Variants in ZDHHC11B observed in about 807,000 individuals in gnomAD.
ZDHHC11B encodes probable palmitoyltransferase ZDHHC11B.
A neutral mutation model predicts 42.3 loss-of-function variants in ZDHHC11B; 17 were observed. The observed-to-expected ratio is 0.40, with a 90% CI of 0.27 to 0.60. ZDHHC11B has a LOEUF of 0.60. ZDHHC11B is among the 20% of genes least tolerant of loss of function. The probability of loss-of-function intolerance (pLI) is 0.41; values close to 1 mark genes in which losing one functional copy is unlikely to be tolerated. For missense variants in ZDHHC11B, 262 were observed against 463.2 expected, an observed-to-expected ratio of 0.57 and a Z score of 3.99; for synonymous variants, 123 against 193.5, an observed-to-expected ratio of 0.64 and a Z score of 3.02.
At position 749,477 on chromosome 5, in the gene ZDHHC11B, C is replaced by T. The variant is rs375763439; in HGVS notation, c.629-918G>A. The stretch of plus-strand genomic sequence containing the variant: ...CGGCCTTGGGGGCCTTCCTAGATGG[C>T]CCGACGGGACAGTAGCTCAAAGTGC... On this transcript the variant is annotated intron_variant, in intron 7 of 13. Transcript: ENST00000508859. Among the ~76,000 whole-genome samples, 16 of 130,048 alleles carry T rather than the reference C, an allele frequency of 1.2e-4. 1 individual carries two copies. In the East Asian group the frequency reaches 4.1e-3, roughly 34 times the overall value. 85.3% of individuals were successfully genotyped at this position (130,048 alleles called of 152,430 possible). A position where few individuals can be genotyped will look rare whatever the true frequency, so the allele number is the denominator to read the frequency against.
Position 766,704 on chromosome 5 carries a change from G to T in ZDHHC11B, c.216C>A (p.Ala72=). ...PLLPHSWKYI[A]YVVTGGIFSF... ...GCCACGATGAAAAGGATACCACATA[G>T]GCGATGTATTTCCACGAGTGAGGCA... Residue 72 remains alanine, a synonymous_variant, in exon 4 of 14, where the codon GCC becomes GCA. Transcript: ENST00000508859. 1.2e-6 allele frequency: 2 copies of T among 1,608,370 alleles called. No homozygotes were observed. The highest frequency in any genetic ancestry group is 1.7e-6 in the Non-Finnish European group (2 of 1,176,882).
chr5:756,288 G>T, intron 4 of ZDHHC11B, 144 bp from the exon 5 acceptor site: 1 of 1,313,026 alleles, frequency 7.6e-7, no homozygotes, highest in Middle Eastern at 2.6e-4. Context: ...GCTCACCCAG[G>T]CCTGGCCCTG....
At chr5:730,279 T>A (rs1442482556) in intron 12 of ZDHHC11B, among the ~76,000 whole-genome samples, 155 bp downstream of exon 12, 1 of 151,872 alleles carries the variant, frequency 6.6e-6, no homozygotes, top group Non-Finnish European at 1.5e-5. Context: ...ATAAGCCACA[T>A]GAATGGCTAT....
At chr5:761,967 G>A (rs1292779708) in intron 4 of ZDHHC11B, among the ~76,000 whole-genome samples, 2 of 96,450 alleles carry the variant, frequency 2.1e-5, no homozygotes, top group Admixed American at 2.3e-4. Context: ...CACAGTCCTG[G>A]CTGGCCACTC....
At position 777,845 on chromosome 5, in the gene ZDHHC11B, C is replaced by T. The variant is rs528521360; in HGVS notation, c.-230+6823G>A. Among the ~76,000 whole-genome samples the T allele has an allele frequency of 4.2e-3, 640 of 151,820 alleles. 17 individuals carry two copies. The highest frequency in any genetic ancestry group is 0.014 in the African/African-American group (568 of 41,262). The stretch of plus-strand genomic sequence containing the variant: ...GCGCCCGCACTCCTCAGCCCTTGGG[C>T]GGTCCATGGGACCCGGCGGGGGCGG... On this transcript the variant is annotated intron_variant, in intron 1 of 13. Transcript: ENST00000508859.
chr5:766,914 G>A lies in ZDHHC11B; in HGVS notation c.6C>T (p.Asp2=), dbSNP rs776250711. ...CGGAACACTGGCTCCCGGAGCGGGT[G>A]TCCATCTGCAGGACACAGAAGGGGA... The part of the protein sequence containing the change: M[D]TRSGSQCSVT... The change falls in exon 4 of 14, where the codon GAC becomes GAT. Residue 2 remains aspartate, a synonymous_variant. Coordinates refer to ENST00000508859, the MANE Select transcript of ZDHHC11B (RefSeq NM_001351303.2). The A allele has an allele frequency of 6.2e-7, 1 of 1,612,050 alleles. No homozygotes were observed. Among genetic ancestry groups the A allele is most frequent in the Non-Finnish European group, 8.5e-7 (1 of 1,179,060 alleles).
At chr5:772,514 A>G (rs1381311901) in intron 1 of ZDHHC11B, among the ~76,000 whole-genome samples, 795 of 150,692 alleles carry the variant, frequency 5.3e-3, no homozygotes, top group African/African-American at 0.018. Context: ...AGTGGGTGTG[A>G]CCTCAGAGAC....
intron 9 of ZDHHC11B, among the ~76,000 whole-genome samples, chr5:743,745 C>T (rs1282929805): frequency 2.7e-5 from 4 of 150,140 alleles, no homozygotes; most frequent in East Asian, 4.1e-4. Context: ...ATGTGCCCCA[C>T]ATCCTTGTTA....
intron 1 of ZDHHC11B, among the ~76,000 whole-genome samples, chr5:770,580 G>C (rs1341928254): frequency 6.6e-6 from 1 of 151,964 alleles, no homozygotes; most frequent in Non-Finnish European, 1.5e-5. Context: ...CCCAGGGTCT[G>C]TGACGTGCTG....
intron 12 of ZDHHC11B, among the ~76,000 whole-genome samples, chr5:729,134 G>A (rs1481101480): frequency 6.6e-6 from 1 of 151,412 alleles, no homozygotes; most frequent in Non-Finnish European, 1.5e-5. Flanking sequence ...AGCAGTCTGG[G>A]GTCCCAGGTG....
At chr5:759,381 G>A (rs528198682) in intron 4 of ZDHHC11B, among the ~76,000 whole-genome samples, 4 of 152,020 alleles carry the variant, frequency 2.6e-5, no homozygotes, top group East Asian at 1.9e-4. Flanking sequence ...ACGTCTTGTC[G>A]TCTTATCAAT....
At chr5:730,359 A>G in intron 12 of ZDHHC11B, 75 bp downstream of exon 12, 6 of 1,476,008 alleles carry the variant, frequency 4.1e-6, no homozygotes, top group Non-Finnish European at 5.5e-6. Flanking sequence ...AATAGAGAAC[A>G]TATTTTCCTA....
At chr5:733,674 T>G in intron 11 of ZDHHC11B, 78 bp downstream of exon 11, 1 of 1,323,096 alleles carries the variant, frequency 7.6e-7, no homozygotes, top group East Asian at 2.3e-5. Context: ...TGCCTTAACC[T>G]CAGCTTGGGG....
In ZDHHC11B at chr5:759,010, C is replaced by T. The variant is rs115193830; in HGVS notation, c.223-2866G>A. ...CCGGGATAGAGATGACACGGAGCAC[C>T]GTGTTCTCAATTTTCTCTGCTTCTA... On this transcript the variant is annotated intron_variant, in intron 4 of 13. Coordinates refer to ENST00000508859, the MANE Select transcript of ZDHHC11B (RefSeq NM_001351303.2). Among the ~76,000 whole-genome samples, 16 of 151,946 alleles carry T rather than the reference C, an allele frequency of 1.1e-4. 1 individual carries two copies. Among genetic ancestry groups the T allele is most frequent in the African/African-American group, 3.6e-4 (15 of 41,420 alleles).
At chr5:784,508 G>A (rs1737109018) in intron 1 of ZDHHC11B, among the ~76,000 whole-genome samples, 160 bp downstream of exon 1, 1 of 152,252 alleles carries the variant, frequency 6.6e-6, no homozygotes, top group South Asian at 2.1e-4. Flanking sequence ...ATCCCAATCC[G>A]GGGGCTCAGG....
chr5:718,253 G>A lies in ZDHHC11B; in HGVS notation c.1059-1388C>T, dbSNP rs554377354. Among the ~76,000 whole-genome samples, 85 of 151,830 alleles carry A rather than the reference G, an allele frequency of 5.6e-4. 3 individuals are homozygous for A. Among genetic ancestry groups the A allele is most frequent in the African/African-American group, 2.0e-3 (84 of 41,284 alleles). On this transcript the variant is annotated intron_variant, in intron 12 of 13. Transcript: ENST00000508859. ...AGGAAGTTTACCTAAGGACAAAATG[G>A]TATTGTAGAAAGCTATAGAGCCTGG...
intron 4 of ZDHHC11B, among the ~76,000 whole-genome samples, chr5:757,631 A>G (rs1250441869): frequency 3.3e-5 from 5 of 152,082 alleles, no homozygotes; most frequent in Admixed American, 6.6e-5. Flanking sequence ...ATGCAGACAC[A>G]GGTGCCGAAT....
intron 12 of ZDHHC11B, among the ~76,000 whole-genome samples, chr5:721,796 A>G (rs1348409794): frequency 6.6e-6 from 1 of 151,722 alleles, no homozygotes; most frequent in Non-Finnish European, 1.5e-5. Flanking sequence ...TTCGTGGGAG[A>G]GAGAGGGAGT....
At chr5:760,451 G>C (rs562475891) in intron 4 of ZDHHC11B, among the ~76,000 whole-genome samples, 184 of 151,708 alleles carry the variant, frequency 1.2e-3, no homozygotes, top group African/African-American at 4.4e-3. Flanking sequence ...ATCCCCTCCA[G>C]CAGCTTCAGG....
Sources: gnomAD v4.1 joint callset for allele counts (sites outside exome capture counted in the v4.1 genomes callset) on GRCh38, gnomAD v4.1.1 for gene constraint, MANE v1.5 for transcripts, NCBI Gene and HGNC (gene_info 2026-07-23, HGNC 2026-07-21) for gene names.